Variants in RACK1 observed in about 807,000 individuals in gnomAD.
RACK1 encodes small ribosomal subunit protein RACK1.
In RACK1, 3 loss-of-function variants were observed where a neutral mutation model predicts 42.2. The ratio of observed to expected loss-of-function variants is 0.07; its 90% CI spans 0.03 to 0.18. RACK1 has a LOEUF of 0.18. RACK1 is among the 10% of genes least tolerant of loss of function. The pLI is 1.00. For synonymous variants in RACK1, 181 were observed against 154.8 expected, an observed-to-expected ratio of 1.17 and a Z score of -1.25; for missense variants, 146 against 403.2, an observed-to-expected ratio of 0.36 and a Z score of 5.46.
At chr5:181,242,563 T>C (rs1194451753) in intron 1 of RACK1, 18 of 564,734 alleles carry the variant, frequency 3.2e-5, no homozygotes, top group Non-Finnish European at 5.6e-5. Flanking sequence ...CCCTGATAAC[T>C]TTTTTTTTTC....
chr5:181,241,794 A>G (rs1291231956), intron 2 of RACK1, 155 bp from the exon 3 acceptor site: 1 of 846,200 alleles, frequency 1.2e-6, no homozygotes, highest in Non-Finnish European at 2.0e-6. Flanking sequence ...TATATGAAAG[A>G]GAAGAGCCAA....
At chr5:181,239,719 G>C (rs1047098938) in intron 3 of RACK1, 137 bp from the exon 4 acceptor site, 4 of 593,538 alleles carry the variant, frequency 6.7e-6, no homozygotes, top group Admixed American at 3.1e-5. Flanking sequence ...AAGCTCAATA[G>C]AATCCCTTTA....
At chr5:181,241,686 TTCAACGG>T in intron 2 of RACK1, 47 bp from the exon 3 acceptor site, 2 of 1,597,370 alleles carry the variant, frequency 1.3e-6, no homozygotes, top group Non-Finnish European at 1.7e-6. Context: ...AACACTCTCA[TTCAACGG>T]TCAGACTCAT....
chr5:181,243,569 T>C (rs985316572), intron 1 of RACK1, 123 bp downstream of exon 1: 4 of 1,417,138 alleles, frequency 2.8e-6, no homozygotes, highest in Non-Finnish European at 3.8e-6. Context: ...GGCAGAGAAG[T>C]CTGTCAGTCC....
intron 6 of RACK1, 46 bp from the exon 7 acceptor site, chr5:181,237,765 A>G: frequency 9.7e-7 from 1 of 1,035,876 alleles, no homozygotes; most frequent in Non-Finnish European, 1.5e-6. Context: ...CAATCAAGAG[A>G]GTCTCCTCTT....
At chr5:181,241,096 C>A in intron 3 of RACK1, 1 of 164,564 alleles carries the variant, frequency 6.1e-6, no homozygotes, top group South Asian at 1.5e-4. Flanking sequence ...TGTACTTCAG[C>A]CTGGGGAACA....
chr5:181,241,591 A>G lies in RACK1; in HGVS notation c.330T>C (p.Ser110=). The G allele has an allele frequency of 6.2e-7, 1 of 1,614,074 alleles. No homozygotes were observed. Among genetic ancestry groups the G allele is most frequent in the Non-Finnish European group, 8.5e-7 (1 of 1,179,984 alleles). The change falls in exon 3 of 8, where the codon AGT becomes AGC. Residue 110 remains serine, a synonymous_variant. Transcript: ENST00000512805. ...RFVGHTKDVL[S]VAFSSDNRQI... ...GCCGGTTGTCAGAGGAGAAGGCCAC[A>G]CTCAGCACATCCTTGGTATGGCCCA...
At chr5:181,239,607 G>C in intron 3 of RACK1, 25 bp from the exon 4 acceptor site, 1 of 1,478,492 alleles carries the variant, frequency 6.8e-7, no homozygotes, top group Non-Finnish European at 9.5e-7. Context: ...AAGGAAATTA[G>C]GGCAAACAGT....
chr5:181,242,664 T>C, intron 1 of RACK1: 1 of 391,012 alleles, frequency 2.6e-6, no homozygotes, highest in South Asian at 1.9e-5. Flanking sequence ...TTCAAGCAAT[T>C]CTCCCGCCTC....
rs1167017917 is a variant in RACK1, at chr5:181,238,156, G to A, written c.720C>T (p.Cys240=). ...LDGGDIINAL[C]FSPNRYWLCA... ...ACAGCCAGTAGCGGTTAGGGCTGAA[G>A]CACAGGGCGTTGATGATGTCCCCAC... The change falls in exon 6 of 8, where the codon TGC becomes TGT. Residue 240 remains cysteine, a synonymous_variant. Coordinates refer to ENST00000512805, the MANE Select transcript of RACK1 (RefSeq NM_006098.5). 1 of 1,614,152 alleles carries A rather than the reference G, an allele frequency of 6.2e-7. No individual in the cohort carries two copies. The highest frequency in any genetic ancestry group is 1.3e-5 in the African/African-American group (1 of 75,048).
chr5:181,241,697 G>A, intron 2 of RACK1, 58 bp from the exon 3 acceptor site: 5 of 1,571,268 alleles, frequency 3.2e-6, no homozygotes, highest in Non-Finnish European at 4.4e-6. Context: ...TCAACGGTCA[G>A]ACTCATTTCC....
At chr5:181,240,710 TG>T (rs201258513) in intron 3 of RACK1, among the ~76,000 whole-genome samples, 3 of 149,058 alleles carry the variant, frequency 2.0e-5, no homozygotes, top group African/African-American at 7.6e-5. Context: ...AATAAAATTT[TG>T]TTTAAATAGA....
At chr5:181,243,141 G>C (rs539240942) in intron 1 of RACK1, 18 of 609,442 alleles carry the variant, frequency 3.0e-5, no homozygotes, top group Non-Finnish European at 4.6e-5. Context: ...TCAAAAGTCA[G>C]ACAATTCTTA....
chr5:181,243,359 T>C (rs1048708492), intron 1 of RACK1: 6 of 1,386,996 alleles, frequency 4.3e-6, no homozygotes, highest in Middle Eastern at 4.0e-4. Flanking sequence ...TCAGATGGCA[T>C]GTTGGGGTCA....
At chr5:181,237,990 T>C (rs1582292880) in intron 6 of RACK1, 109 bp downstream of exon 6, 2 of 1,193,496 alleles carry the variant, frequency 1.7e-6, no homozygotes, top group East Asian at 4.7e-5. Context: ...ACGTGGAGGC[T>C]GAGAAAGCTT....
At chr5:181,239,637 G>C in intron 3 of RACK1, 55 bp from the exon 4 acceptor site, 1 of 1,175,932 alleles carries the variant, frequency 8.5e-7, no homozygotes. Context: ...TGAAATGCTA[G>C]ACCTCCCAGC....
intron 3 of RACK1, chr5:181,240,533 C>G (rs763660107): frequency 6.6e-6 from 1 of 151,658 alleles, no homozygotes; most frequent in African/African-American, 2.4e-5. Context: ...TGATGGCACA[C>G]GCCTGTAATC....
At position 181,242,087 on chromosome 5, in the gene RACK1, C is replaced by G. The variant is rs765639929; in HGVS notation, c.281+87G>C. 1.2e-4 allele frequency: 138 copies of G among 1,195,724 alleles called. 2 individuals are homozygous for G. The South Asian group carries it at 1.4e-3, about 12-fold the overall frequency. The allele number at this position is 1,195,724 out of a possible 1,614,324, so 74.1% of individuals were successfully genotyped here. A position where few individuals can be genotyped will look rare whatever the true frequency, so the allele number is the denominator to read the frequency against. On this transcript the variant is annotated intron_variant, in intron 2 of 7. Transcript: ENST00000512805. ...TTTCCAGTTCCCAAATGGACTGGAT[C>G]TCCCCTGGGAAACCAGCCAATTGCA...
At chr5:181,237,800 TA>T in intron 6 of RACK1, 81 bp from the exon 7 acceptor site, 1 of 857,972 alleles carries the variant, frequency 1.2e-6, no homozygotes, top group African/African-American at 1.7e-5. Flanking sequence ...ATTCTCAAGT[TA>T]AAAAGGGATG....
Sources: allele counts gnomAD v4.1 joint callset (sites outside exome capture counted in the v4.1 genomes callset), GRCh38; gene constraint gnomAD v4.1.1; transcripts MANE v1.5; gene names NCBI Gene and HGNC (gene_info 2026-07-23, HGNC 2026-07-21).